Variants in SPATS2L observed in about 807,000 individuals in gnomAD.
SPATS2L encodes the protein spermatogenesis associated serine rich 2 like.
A neutral mutation model predicts 59.6 loss-of-function variants in SPATS2L; 30 were observed. That is an observed-to-expected ratio of 0.50 (90% confidence interval 0.38 to 0.68). SPATS2L has a LOEUF of 0.68. Among genes scored for constraint, SPATS2L ranks in the 30% least tolerant of loss-of-function variants. The pLI is 0.00. For synonymous variants in SPATS2L, 252 were observed against 263.5 expected (o/e 0.96, Z 0.42); for missense variants, 615 against 700.0 (o/e 0.88, Z 1.37).
At chr2:200,465,291 G>A (rs2086516010) in intron 9 of SPATS2L, among the ~76,000 whole-genome samples, 1 of 152,244 alleles carries the variant, frequency 6.6e-6, no homozygotes. Context: ...ACTGTGACCA[G>A]AAATTCCAGT....
chr2:200,330,487 T>C (rs1179367802), intron 2 of SPATS2L, among the ~76,000 whole-genome samples: 1 of 152,226 alleles, frequency 6.6e-6, no homozygotes, highest in African/African-American at 2.4e-5. Flanking sequence ...CTTTCAGTTG[T>C]TCAAAGAGAA....
intron 1 of SPATS2L, among the ~76,000 whole-genome samples, chr2:200,322,280 C>T (rs909722407): frequency 8.5e-5 from 13 of 152,120 alleles, no homozygotes; most frequent in African/African-American, 7.2e-5. Flanking sequence ...TTTAGTTGTA[C>T]GGACTAAGCC....
chr2:200,480,981 GTGGCAC>G lies in SPATS2L; in HGVS notation c.*2952_*2957del, dbSNP rs1182754349. Reference sequence around the variant, plus strand: ...GATGGAATAACTTCAAACTCACATTGTGGCACTTAGATCTTCCACCAAGACTTCATC... The same window carrying G: ...GATGGAATAACTTCAAACTCACATTGTTAGATCTTCCACCAAGACTTCATC... On this transcript the variant is annotated 3_prime_UTR_variant, in exon 13 of 13. Transcript: ENST00000409140. 6.6e-6 allele frequency: 1 copy of G among 152,102 alleles called. No homozygotes were observed. Among genetic ancestry groups the G allele is most frequent in the Non-Finnish European group, 1.5e-5 (1 of 68,000 alleles). 9.4% of individuals were successfully genotyped at this position (152,102 alleles called of 1,614,324 possible).
chr2:200,307,656 G>T (rs1262464475), intron 1 of SPATS2L, among the ~76,000 whole-genome samples: 1 of 152,234 alleles, frequency 6.6e-6, no homozygotes, highest in Non-Finnish European at 1.5e-5. Flanking sequence ...GGACGCCGGC[G>T]CACTCTGAAT....
chr2:200,306,936 C>G lies in SPATS2L; in HGVS notation c.-73+14C>G. 1 of 982,626 alleles carries G rather than the reference C, an allele frequency of 1.0e-6. No homozygotes were observed. 60.9% of individuals were successfully genotyped at this position (982,626 alleles called of 1,614,324 possible). A position where few individuals can be genotyped will look rare whatever the true frequency, so the allele number is the denominator to read the frequency against. On this transcript the variant is annotated intron_variant, in intron 1 of 12. Coordinates refer to ENST00000409140, the MANE Select transcript of SPATS2L (RefSeq NM_001100423.2). ...CTCGACACAGAGGTAAGCCCAGGACCCCCTCCACGCCGGGCCGGCTGGGGA... is the reference window on the plus strand; with the variant it reads ...CTCGACACAGAGGTAAGCCCAGGACGCCCTCCACGCCGGGCCGGCTGGGGA...
intron 2 of SPATS2L, chr2:200,378,449 G>T (rs917846395): frequency 2.1e-6 from 2 of 965,678 alleles, no homozygotes; most frequent in East Asian, 2.3e-4. Context: ...CTGCCTGGGG[G>T]TACTCTCCAA....
chr2:200,470,162 G>A (rs2086917221), intron 11 of SPATS2L, 146 bp downstream of exon 11: 4 of 627,266 alleles, frequency 6.4e-6, no homozygotes, highest in Non-Finnish European at 1.1e-5. Flanking sequence ...CATGACACAA[G>A]TCACCAGAAA....
intron 2 of SPATS2L, chr2:200,378,391 G>T: frequency 2.0e-6 from 2 of 1,002,466 alleles, no homozygotes; most frequent in Non-Finnish European, 2.4e-6. Flanking sequence ...GGTTGCATTT[G>T]CTGGGAAGCC....
intron 2 of SPATS2L, among the ~76,000 whole-genome samples, chr2:200,360,155 A>G (rs920746781): frequency 7.2e-5 from 11 of 152,220 alleles, no homozygotes; most frequent in Admixed American, 3.9e-4. Flanking sequence ...AAAAATACAT[A>G]GAGCCTCAAG....
At chr2:200,458,575 A>G (rs1479846774) in intron 8 of SPATS2L, among the ~76,000 whole-genome samples, 2 of 152,216 alleles carry the variant, frequency 1.3e-5, no homozygotes, top group Non-Finnish European at 2.9e-5. Context: ...GGCTTTGCAC[A>G]ACTCTTCAGG....
chr2:200,433,960 C>T (rs917462910), intron 6 of SPATS2L, among the ~76,000 whole-genome samples: 4 of 151,864 alleles, frequency 2.6e-5, no homozygotes, highest in African/African-American at 9.7e-5. Flanking sequence ...CAGCATAACT[C>T]GTATCAAAAC....
chr2:200,470,422 C>T (rs1223799615), intron 11 of SPATS2L, among the ~76,000 whole-genome samples: 1 of 152,176 alleles, frequency 6.6e-6, no homozygotes, highest in African/African-American at 2.4e-5. Flanking sequence ...AGCTGTTATG[C>T]GAGCCCCTCA....
At chr2:200,440,838 A>G (rs2084647774) in intron 8 of SPATS2L, 54 bp downstream of exon 8, 3 of 1,568,172 alleles carry the variant, frequency 1.9e-6, no homozygotes, top group East Asian at 2.3e-5. Context: ...CTGTTCCAAC[A>G]GGTAAAAGTA....
At chr2:200,429,250 A>C (rs1422081328) in intron 6 of SPATS2L, among the ~76,000 whole-genome samples, 1 of 152,248 alleles carries the variant, frequency 6.6e-6, no homozygotes, top group Admixed American at 6.5e-5. Context: ...TGTAATGTAA[A>C]GCATTGTTAA....
In SPATS2L at chr2:200,389,128, A is replaced by G. The variant is rs529247297; in HGVS notation, c.-22-95A>G. The G allele has an allele frequency of 1.8e-5, 13 of 725,882 alleles. No homozygotes were observed. In the South Asian group the frequency reaches 2.1e-4, roughly 12 times the overall value. 45.0% of individuals were successfully genotyped at this position (725,882 alleles called of 1,614,324 possible). A position where few individuals can be genotyped will look rare whatever the true frequency, so the allele number is the denominator to read the frequency against. On this transcript the variant is annotated intron_variant, in intron 2 of 12. Coordinates refer to ENST00000409140, the MANE Select transcript of SPATS2L (RefSeq NM_001100423.2). Reference sequence around the variant, plus strand: ...TTCTAAAATGATATTTATGATTATGACCGAATGAAGTTGTTTACTGTGTTG... The same window carrying G: ...TTCTAAAATGATATTTATGATTATGGCCGAATGAAGTTGTTTACTGTGTTG...
intron 12 of SPATS2L, among the ~76,000 whole-genome samples, chr2:200,474,936 T>C (rs1224361873): frequency 6.6e-6 from 1 of 152,224 alleles, no homozygotes; most frequent in African/African-American, 2.4e-5. Flanking sequence ...CACTGGAATC[T>C]ACACTCTTTG....
At chr2:200,359,092 T>A (rs2081014698) in intron 2 of SPATS2L, among the ~76,000 whole-genome samples, 1 of 152,168 alleles carries the variant, frequency 6.6e-6, no homozygotes, top group African/African-American at 2.4e-5. Context: ...CACACTGTTG[T>A]TACTTACTCT....
chr2:200,306,126 G>A, upstream of SPATS2L: 1 of 988,836 alleles, frequency 1.0e-6, no homozygotes, highest in Non-Finnish European at 1.2e-6. Context: ...GGGCTGACCC[G>A]AGCTCCAGCA....
chr2:200,446,591 C>T (rs60451274), intron 8 of SPATS2L, among the ~76,000 whole-genome samples: 5,207 of 152,188 alleles, frequency 0.034, 191 homozygotes, highest in East Asian at 0.15. Context: ...AATGAATTAC[C>T]TGGCCCAAAA....
Sources: gnomAD v4.1 joint callset for allele counts (sites outside exome capture counted in the v4.1 genomes callset) on GRCh38, gnomAD v4.1.1 for gene constraint, MANE v1.5 for transcripts, NCBI Gene and HGNC (gene_info 2026-07-23, HGNC 2026-07-21) for gene names.